Variants in SYT8 observed in about 807,000 individuals in gnomAD.
SYT8 encodes synaptotagmin 8.
Under a neutral mutation model 34.9 loss-of-function variants are expected in SYT8, and 50 were observed. That is an observed-to-expected ratio of 1.43 (90% CI 1.14 to 1.81). The LOEUF (loss-of-function observed/expected upper bound fraction) is 1.81. SYT8 is among the 40% of genes most tolerant of loss of function. SYT8 has a pLI of 0.00. For synonymous variants in SYT8, 255 were observed against 234.2 expected (o/e 1.09, Z -0.81); for missense variants, 595 against 529.0 (o/e 1.12, Z -1.22).
rs1299438381 is a variant in SYT8, at chr11:1,836,783, T to C, written c.712T>C (p.Ser238Pro). 10 of 1,610,364 alleles carry C rather than the reference T, an allele frequency of 6.2e-6. No homozygotes were observed. The highest frequency in any genetic ancestry group is 8.5e-6 in the Non-Finnish European group (10 of 1,179,952). ...CGAGCAGGTCGGGGAGCTGTGCTTCTCTCTCCGGTACGTGCCCAGCTCAGG... is the reference window on the plus strand; with the variant it reads ...CGAGCAGGTCGGGGAGCTGTGCTTCCCTCTCCGGTACGTGCCCAGCTCAGG... ...QPEQVGELCFSLRYVPSSGRL... is the reference protein window; with the variant it reads ...QPEQVGELCFPLRYVPSSGRL... Residue 238 changes from serine (S) to proline (P), a missense_variant, in exon 6 of 8, where the codon TCT becomes CCT. Physicochemically the swap from Ser to Pro is moderately conservative, Grantham distance 74. Transcript: ENST00000341958.
intron 2 of SYT8, 43 bp from the exon 3 acceptor site, chr11:1,835,843 C>T: frequency 2.6e-6 from 4 of 1,535,180 alleles, no homozygotes; most frequent in Non-Finnish European, 3.6e-6. Context: ...TCTGATGAGG[C>T]ATGATGTCAG....
rs142418395 is a variant in SYT8, at chr11:1,837,056, C to T, written c.890C>T (p.Ala297Val). The change falls in exon 7 of 8, where the codon GCC (alanine) becomes GTC (valine). Residue 297 changes from alanine to valine, a missense_variant. Coordinates refer to ENST00000341958, the MANE Select transcript of SYT8 (RefSeq NM_001394072.1). ...ACGGCGGCCCCCTACTTCAATGAGG[C>T]CTTCACCTTCCTGGTGCCCTTCAGC... The part of the protein sequence containing the change: ...KGTAAPYFNE[A>V]FTFLVPFSQV... The T allele has an allele frequency of 3.9e-5, 63 of 1,613,778 alleles. No homozygotes were observed. In the African/African-American group the frequency reaches 4.0e-4, roughly 10 times the overall value.
upstream of SYT8, among the ~76,000 whole-genome samples, chr11:1,832,993 C>G (rs1315241938): frequency 6.6e-6 from 1 of 152,224 alleles, no homozygotes; most frequent in African/African-American, 2.4e-5. Context: ...GGCAACTTAT[C>G]CGGAATCTCA....
upstream of SYT8, chr11:1,831,861 G>C (rs959481970): frequency 6.1e-5 from 27 of 439,298 alleles, no homozygotes; most frequent in African/African-American, 5.2e-4. Context: ...AGGAAGGCCT[G>C]GTGGCTGGCC....
Position 1,835,945 on chromosome 11 carries a change from C to A in SYT8, c.318C>A (p.Cys106Ter), listed in dbSNP as rs777042336. The A allele has an allele frequency of 3.7e-6, 6 of 1,608,192 alleles. No homozygotes were observed. The highest frequency in any genetic ancestry group is 2.2e-5 in the South Asian group (2 of 90,334). ...CGGGGGATGCTCAGCAATGGGGGTG[C>A]CTGCAGCTCTCCCTGGAGTTCGACT... ...SSPGDAQQWG[C>*]LQLSLEFDFG... The change falls in exon 3 of 8, where the codon TGC becomes TGA. Residue 106 changes from cysteine to a stop codon, truncating the protein, a stop_gained. Coordinates refer to ENST00000341958, the MANE Select transcript of SYT8 (RefSeq NM_001394072.1). LOFTEE classifies it high-confidence loss of function.
Position 1,835,996 on chromosome 11 carries a change from C to A in SYT8, c.357+12C>A, listed in dbSNP as rs755166125. ...TTGGAAGCCAGGAGGTGAAGGGCCC[C>A]GCTGCGCAGGACCAGCGGTTCTGCG... On this transcript the variant is annotated intron_variant, in intron 3 of 7. Coordinates refer to ENST00000341958, the MANE Select transcript of SYT8 (RefSeq NM_001394072.1). 25 of 1,605,014 alleles carry A rather than the reference C, an allele frequency of 1.6e-5. No homozygotes were observed. The highest frequency in any genetic ancestry group is 2.0e-5 in the Non-Finnish European group (24 of 1,176,822).
chr11:1,834,955 C>A (rs1846817105), upstream of SYT8: 5 of 745,136 alleles, frequency 6.7e-6, no homozygotes, highest in Non-Finnish European at 1.1e-5. This position sits in a 1 kb window ranked among gnomAD's most constrained non-coding sequence, Gnocchi z 4.5. Flanking sequence ...AGAACCCTCG[C>A]CCCTGGCCAC....
chr11:1,835,741 C>A (rs1245968053), intron 2 of SYT8, 145 bp from the exon 3 acceptor site: 3 of 816,880 alleles, frequency 3.7e-6, no homozygotes, highest in Admixed American at 5.1e-5. Context: ...TCTCACAGAG[C>A]GAAGCCGACG....
chr11:1,836,271 C>A lies in SYT8; in HGVS notation c.503C>A (p.Thr168Asn), dbSNP rs1397475980. The A allele has an allele frequency of 2.6e-6, 4 of 1,556,976 alleles. No individual in the cohort carries two copies. The highest frequency in any genetic ancestry group is 2.3e-5 in the East Asian group (1 of 43,964). ...ACGCTCTGCCCCGTGTTTGACGAGA[C>A]CTGCTGCTTCCACGTGAGTCAGGGA... is the stretch of plus-strand genomic sequence containing the variant. ...RGTLCPVFDE[T>N]CCFHIPQAEL... Residue 168 changes from threonine (T) to asparagine (N), a missense_variant, in exon 4 of 8, where the codon ACC becomes AAC. Thr to Asn is a moderately conservative substitution (Grantham distance 65, BLOSUM62 0). Coordinates refer to ENST00000341958, the MANE Select transcript of SYT8 (RefSeq NM_001394072.1).
At chr11:1,833,702 C>A (rs1042771851), upstream of SYT8, 1 of 152,588 alleles carries the variant, frequency 6.6e-6, no homozygotes, top group Non-Finnish European at 1.5e-5. Context: ...CCTCCCTCCC[C>A]TCCTTGAGCT....
upstream of SYT8, chr11:1,834,685 G>A: frequency 6.9e-7 from 1 of 1,452,174 alleles, no homozygotes; most frequent in Non-Finnish European, 9.5e-7. This position sits in a 1 kb window ranked among gnomAD's most constrained non-coding sequence, Gnocchi z 4.5. Context: ...GATGAGATGG[G>A]ACCCCCAGGC....
In SYT8 at chr11:1,836,958, G is replaced by A. The variant is rs1417845091; in HGVS notation, c.792G>A (p.Glu264=). 3.1e-6 allele frequency: 5 copies of A among 1,613,496 alleles called. No homozygotes were observed. Among genetic ancestry groups the A allele is most frequent in the Non-Finnish European group, 3.4e-6 (4 of 1,180,006 alleles). ...EARGLRPGLA[E]PYVKVQLMLN... ...CCTTCGGCAACCTTGCCCTCCCAGA[G>A]CCCTACGTGAAGGTCCAGCTCATGC... Residue 264 remains glutamate (E), a splice_region_variant and synonymous_variant, in exon 7 of 8, where the codon GAG becomes GAA. Coordinates refer to ENST00000341958, the MANE Select transcript of SYT8 (RefSeq NM_001394072.1).
chr11:1,834,714 C>A, upstream of SYT8: 1 of 1,165,642 alleles, frequency 8.6e-7, no homozygotes, highest in Non-Finnish European at 1.2e-6. The surrounding 1 kb of genome is among the most constrained non-coding windows in gnomAD (Gnocchi z 4.5). Flanking sequence ...GGGTCCAGGG[C>A]CCAGGAGAGA....
upstream of SYT8, among the ~76,000 whole-genome samples, chr11:1,833,046 A>T (rs537190024): frequency 6.6e-6 from 1 of 152,280 alleles, no homozygotes; most frequent in East Asian, 1.9e-4. Flanking sequence ...CTCAGCATGT[A>T]TACAGGCTCT....
chr11:1,834,517 G>GC, upstream of SYT8: 1 of 1,516,018 alleles, frequency 6.6e-7, no homozygotes, highest in East Asian at 2.4e-5. The surrounding 1 kb of genome is among the most constrained non-coding windows in gnomAD (Gnocchi z 4.5). Context: ...TGCTCCTCCC[G>GC]CCATGACCCT....
At position 1,835,188 on chromosome 11, in the gene SYT8, C is replaced by T. The variant is rs767435326; in HGVS notation, c.83C>T (p.Ala28Val). 1.2e-6 allele frequency: 2 copies of T among 1,613,268 alleles called. No individual in the cohort carries two copies. The highest frequency in any genetic ancestry group is 2.2e-5 in the South Asian group (2 of 91,068). ...CCTGGGCTTATTCCAGACCTTGTCGCCGGGACCCCCTGTGAGTTGTGGGAT... is the reference window on the plus strand; with the variant it reads ...CCTGGGCTTATTCCAGACCTTGTCGTCGGGACCCCCTGTGAGTTGTGGGAT... Reference protein sequence around the residue: ...AIPGLIPDLVAGTPWPRWALI... With the variant: ...AIPGLIPDLVVGTPWPRWALI... The change falls in exon 1 of 8, where the codon GCC becomes GTC. Residue 28 changes from alanine (A) to valine (V), a missense_variant. By Grantham distance (64) the Ala-to-Val change is moderately conservative. Coordinates refer to ENST00000341958, the MANE Select transcript of SYT8 (RefSeq NM_001394072.1).
At chr11:1,833,556 A>T (rs1846747849), upstream of SYT8, among the ~76,000 whole-genome samples, 1 of 152,066 alleles carries the variant, frequency 6.6e-6, no homozygotes, top group African/African-American at 2.4e-5. Flanking sequence ...TGTTCTGGGG[A>T]CAGGCTGGGC....
Position 1,837,083 on chromosome 11 carries a change from A to G in SYT8, c.917A>G (p.Gln306Arg). 6.2e-7 allele frequency: 1 copy of G among 1,613,588 alleles called. No individual in the cohort carries two copies. Among genetic ancestry groups the G allele is most frequent in the Non-Finnish European group, 8.5e-7 (1 of 1,179,884 alleles). Residue 306 changes from glutamine (Q) to arginine (R), a missense_variant, in exon 7 of 8, where the codon CAG (glutamine) becomes CGG (arginine). By Grantham distance (43) the Gln-to-Arg change is conservative (BLOSUM62 1). Transcript: ENST00000341958. ...EAFTFLVPFS[Q>R]VQNVDLVLAV... ...TTCACCTTCCTGGTGCCCTTCAGCC[A>G]GGTCCAGGTGGGCCACCGGGAGGCA...
Position 1,835,163 on chromosome 11 carries a change from C to T in SYT8, c.58C>T (p.Pro20Ser). 2 of 1,613,492 alleles carry T rather than the reference C, an allele frequency of 1.2e-6. No individual in the cohort carries two copies. Among genetic ancestry groups the T allele is most frequent in the East Asian group, 2.2e-5 (1 of 44,886 alleles). The change falls in exon 1 of 8, where the codon CCT (proline) becomes TCT (serine). Residue 20 changes from proline (P) to serine (S), a missense_variant. Transcript: ENST00000341958. The stretch of plus-strand genomic sequence containing the variant: ...GGCCCCAGCTGGCACCACAGCTATA[C>T]CTGGGCTTATTCCAGACCTTGTCGC... The part of the protein sequence containing the change: ...APAPAGTTAI[P>S]GLIPDLVAGT...
Sources: gnomAD v4.1 joint callset for allele counts (sites outside exome capture counted in the v4.1 genomes callset) on GRCh38, gnomAD v4.1.1 for gene constraint, Gnocchi (gnomAD v3.1) non-coding constraint, MANE v1.5 for transcripts, NCBI Gene and HGNC (gene_info 2026-07-23, HGNC 2026-07-21) for gene names.